Variants in ESCO1 observed in about 807,000 individuals in gnomAD.
ESCO1 encodes the protein establishment of sister chromatid cohesion N-acetyltransferase 1, also known as N-acetyltransferase ESCO1.
ESCO1 carries 33 observed loss-of-function variants against 83.5 expected under a neutral mutation model. That is an observed-to-expected ratio of 0.40 (90% CI 0.30 to 0.53). The LOEUF is 0.53. ESCO1 is among the 20% of genes least tolerant of loss of function. ESCO1 has a pLI of 0.63. For synonymous variants in ESCO1, 332 were observed against 324.3 expected (o/e 1.02, Z -0.25); for missense variants, 855 against 968.0 (o/e 0.88, Z 1.55).
At position 21,529,801 on chromosome 18, in the gene ESCO1, A is replaced by G. The variant is rs2037743838; in HGVS notation, c.*542T>C. The G allele has an allele frequency of 6.6e-6, 1 of 152,430 alleles. No individual in the cohort carries two copies. Among genetic ancestry groups the G allele is most frequent in the South Asian group, 2.1e-4 (1 of 4,834 alleles). 9.4% of individuals were successfully genotyped at this position (152,430 alleles called of 1,614,324 possible). On this transcript the variant is annotated 3_prime_UTR_variant, in exon 12 of 12. Transcript: ENST00000269214. ...TATTTAGCTGGAGCTTTCCTTTTCT[A>G]TAGGGGTTTCTTCAAAGTATAGTTC...
At position 21,566,130 on chromosome 18, in the gene ESCO1, T is replaced by G. The variant is rs768434231; in HGVS notation, c.1706+16A>C. The G allele has an allele frequency of 1.2e-6, 2 of 1,606,352 alleles. No homozygotes were observed. Among genetic ancestry groups the G allele is most frequent in the Non-Finnish European group, 1.7e-6 (2 of 1,176,226 alleles). On this transcript the variant is annotated intron_variant, in intron 6 of 11. Transcript: ENST00000269214. ...AGTTAAAATCCTTAAGCTCTAAAATTTAATTAATAGCTTACCTGTTATCAC... is the reference window on the plus strand; with the variant it reads ...AGTTAAAATCCTTAAGCTCTAAAATGTAATTAATAGCTTACCTGTTATCAC...
chr18:21,581,352 CTAA>C (rs1490568853), intron 2 of ESCO1, among the ~76,000 whole-genome samples: 5 of 150,330 alleles, frequency 3.3e-5, no homozygotes. Context: ...TAGATTTACA[CTAA>C]TATTAAAATA....
At chr18:21,538,860 A>G (rs1357187646) in intron 9 of ESCO1, among the ~76,000 whole-genome samples, 1 of 152,142 alleles carries the variant, frequency 6.6e-6, no homozygotes, top group Non-Finnish European at 1.5e-5. Context: ...CAGAGGTTGA[A>G]GAAAAACATA....
Position 21,574,900 on chromosome 18 carries a change from T to C in ESCO1, c.-57A>G. 3 of 1,349,534 alleles carry C rather than the reference T, an allele frequency of 2.2e-6. No homozygotes were observed. Among genetic ancestry groups the C allele is most frequent in the Non-Finnish European group, 2.0e-6 (2 of 1,003,970 alleles). 83.6% of individuals were successfully genotyped at this position (1,349,534 alleles called of 1,614,324 possible). A position where few individuals can be genotyped will look rare whatever the true frequency, so the allele number is the denominator to read the frequency against. Reference sequence around the variant, plus strand: ...TTTGAAGAGGATTTTTGTGTCCTGGTAGGCGTGAATGCTGACTAGCTAGTA... The same window carrying C: ...TTTGAAGAGGATTTTTGTGTCCTGGCAGGCGTGAATGCTGACTAGCTAGTA... On this transcript the variant is annotated 5_prime_UTR_variant, in exon 4 of 12. Transcript: ENST00000269214.
intron 2 of ESCO1, among the ~76,000 whole-genome samples, chr18:21,577,747 A>G (rs1357287524): frequency 6.6e-6 from 1 of 152,144 alleles, no homozygotes; most frequent in Non-Finnish European, 1.5e-5. Context: ...AATCTCTAGA[A>G]GGAGTGAAAC....
chr18:21,595,683 G>A (rs1179111645), intron 1 of ESCO1, among the ~76,000 whole-genome samples: 1 of 141,722 alleles, frequency 7.1e-6, no homozygotes, highest in African/African-American at 2.7e-5. Context: ...AAAAAAATAG[G>A]CGGGGTGCGG....
At chr18:21,590,745 C>T (rs984206684) in intron 1 of ESCO1, among the ~76,000 whole-genome samples, 2 of 151,736 alleles carry the variant, frequency 1.3e-5, no homozygotes. Flanking sequence ...GTCAACAGAT[C>T]GAGACCATCC....
rs1183610889 is a variant in ESCO1 at position 21,574,436 on chromosome 18, T to A, written c.408A>T (p.Leu136Phe). The change falls in exon 4 of 12, where the codon TTA becomes TTT. Residue 136 changes from leucine (L) to phenylalanine (F), a missense_variant. Coordinates refer to ENST00000269214, the MANE Select transcript of ESCO1 (RefSeq NM_052911.3). ...CTTGACCCTGAATTTCTCTACTGCG[T>A]AACGACCTTCTTGAAACCTCTGTTA... Reference protein sequence around the residue: ...QQLTEVSRRSLRSREIQGQVQ... With the variant: ...QQLTEVSRRSFRSREIQGQVQ... The A allele has an allele frequency of 1.2e-6, 2 of 1,614,170 alleles. No homozygotes were observed. Among genetic ancestry groups the A allele is most frequent in the Non-Finnish European group, 1.7e-6 (2 of 1,180,032 alleles).
chr18:21,544,340 CT>C (rs1568094263), intron 8 of ESCO1, among the ~76,000 whole-genome samples: 1 of 151,846 alleles, frequency 6.6e-6, no homozygotes, highest in East Asian at 1.9e-4. Flanking sequence ...GGCATGGTGG[CT>C]CACACCTGTA....
chr18:21,593,597 T>TAGGGAGAGGGAGACCGTAGGGAG (rs1555673423), intron 1 of ESCO1: 1 of 44,078 alleles, frequency 2.3e-5, no homozygotes, highest in Admixed American at 2.6e-4. Flanking sequence ...AGGGAGACCG[T>TAGGGAGAGGGAGACCGTAGGGAG]AGGGAGAGGG....
rs200101799 is a variant in ESCO1 at position 21,588,099 on chromosome 18, CAAAAAAAAAAA to C, written c.-824-3670_-824-3660del. 3.6e-5 allele frequency among the ~76,000 whole-genome samples: 3 copies of C among 82,682 alleles called. No individual in the cohort carries two copies. The Admixed American group carries it at 4.3e-4, about 12-fold the overall frequency. 54.2% of individuals were successfully genotyped at this position (82,682 alleles called of 152,430 possible). A position where few individuals can be genotyped will look rare whatever the true frequency, so the allele number is the denominator to read the frequency against. ...CGGGCAACCCAGCAAGGATCCATCTCAAAAAAAAAAAAAAAAGCAAAACCCACAAGGTGGGT... is the reference window on the plus strand; with the variant it reads ...CGGGCAACCCAGCAAGGATCCATCTCAAAAAGCAAAACCCACAAGGTGGGT... On this transcript the variant is annotated intron_variant, in intron 1 of 11. Coordinates refer to ENST00000269214, the MANE Select transcript of ESCO1 (RefSeq NM_052911.3).
intron 2 of ESCO1, among the ~76,000 whole-genome samples, chr18:21,578,600 TC>T (rs1176220951): frequency 6.6e-6 from 1 of 151,656 alleles, no homozygotes; most frequent in Non-Finnish European, 1.5e-5. Flanking sequence ...ATGTCTATAA[TC>T]CCAGCTACTC....
intron 9 of ESCO1, among the ~76,000 whole-genome samples, chr18:21,536,959 T>C (rs2037845702): frequency 6.6e-6 from 1 of 152,208 alleles, no homozygotes; most frequent in African/African-American, 2.4e-5. Context: ...CAAAGCACTT[T>C]ACAAATATTT....
At chr18:21,544,620 AC>A (rs1023249386) in intron 8 of ESCO1, among the ~76,000 whole-genome samples, 6 of 151,232 alleles carry the variant, frequency 4.0e-5, no homozygotes, top group African/African-American at 1.5e-4. Flanking sequence ...CAAGAGTGAA[AC>A]TCCATCTCAA....
chr18:21,552,655 A>C (rs1358207679), intron 8 of ESCO1, among the ~76,000 whole-genome samples: 1 of 152,230 alleles, frequency 6.6e-6, no homozygotes, highest in African/African-American at 2.4e-5. Context: ...CAACAGATCA[A>C]TGAAACAGGA....
At chr18:21,564,392 A>T in intron 6 of ESCO1, 75 bp from the exon 7 acceptor site, 1 of 1,050,924 alleles carries the variant, frequency 9.5e-7, no homozygotes. Context: ...AAAATAACTT[A>T]TTTTCTTTTT....
intron 4 of ESCO1, 151 bp from the exon 5 acceptor site, chr18:21,568,245 G>A (rs532126958): frequency 7.3e-5 from 45 of 612,614 alleles, no homozygotes; most frequent in Non-Finnish European, 7.1e-5. Context: ...CTTGCTACAA[G>A]CTACCCTCTC....
At chr18:21,565,739 C>A (rs759168836) in intron 6 of ESCO1, among the ~76,000 whole-genome samples, 1 of 152,074 alleles carries the variant, frequency 6.6e-6, no homozygotes, top group Non-Finnish European at 1.5e-5. Context: ...GAGTTCGAGA[C>A]CAGCCTGAGC....
rs774040848 is a variant in ESCO1, at chr18:21,573,881, T to C, written c.963A>G (p.Val321=). The C allele has an allele frequency of 6.2e-7, 1 of 1,614,122 alleles. No individual in the cohort carries two copies. Among genetic ancestry groups the C allele is most frequent in the Non-Finnish European group, 8.5e-7 (1 of 1,180,034 alleles). Residue 321 remains valine, a synonymous_variant, in exon 4 of 12, where the codon GTA becomes GTG. Coordinates refer to ENST00000269214, the MANE Select transcript of ESCO1 (RefSeq NM_052911.3). The part of the protein sequence containing the change: ...AGEIESDNVE[V]KKESSQMESV... Reference sequence around the variant, plus strand: ...TTTCCATTTGTGAAGATTCCTTTTTTACCTCTACATTATCTGACTCAATTT... The same window carrying C: ...TTTCCATTTGTGAAGATTCCTTTTTCACCTCTACATTATCTGACTCAATTT...
Sources: gnomAD v4.1 joint callset for allele counts (sites outside exome capture counted in the v4.1 genomes callset) on GRCh38, gnomAD v4.1.1 for gene constraint, MANE v1.5 for transcripts, NCBI Gene and HGNC (gene_info 2026-07-23, HGNC 2026-07-21) for gene names.